The following ROBO1 variants were observed in gnomAD, a reference collection of about 807,000 sequenced individuals.
ROBO1 encodes the protein roundabout guidance receptor 1.
ROBO1 carries 149 observed loss-of-function variants against 195.9 expected under a neutral mutation model. That is an observed-to-expected ratio of 0.76 (90% confidence interval 0.67 to 0.87). The LOEUF (loss-of-function observed/expected upper bound fraction) is 0.87. Among genes scored for constraint, ROBO1 ranks in the 40% least tolerant of loss-of-function variants. The pLI is 0.00. For missense variants in ROBO1, 1,933 were observed against 2,068.3 expected (o/e 0.93, Z 1.27); for synonymous variants, 816 against 733.2 (o/e 1.11, Z -1.82).
intron 4 of ROBO1, among the ~76,000 whole-genome samples, chr3:78,846,976 G>A (rs1024921180): frequency 6.6e-6 from 1 of 152,064 alleles, no homozygotes; most frequent in Non-Finnish European, 1.5e-5. Flanking sequence ...GCTACAGCTG[G>A]CCTGCTCAGA....
At position 79,600,899 on chromosome 3, in the gene ROBO1, C is replaced by T. The variant is rs772664214; in HGVS notation, c.-50-10938G>A. Among the ~76,000 whole-genome samples the T allele has an allele frequency of 4.0e-5, 6 of 151,844 alleles. No individual in the cohort carries two copies. In the East Asian group the frequency reaches 5.8e-4, roughly 15 times the overall value. Reference sequence around the variant, plus strand: ...GCTTACATTTCATTTATTTAATAAACGTTATTTGACAACTTACTATGCACC... The same window carrying T: ...GCTTACATTTCATTTATTTAATAAATGTTATTTGACAACTTACTATGCACC... On this transcript the variant is annotated intron_variant, in intron 1 of 30. Transcript: ENST00000464233.
At chr3:78,782,711 G>A (rs1396874077) in intron 4 of ROBO1, among the ~76,000 whole-genome samples, 2 of 151,932 alleles carry the variant, frequency 1.3e-5, no homozygotes, top group African/African-American at 2.4e-5. Flanking sequence ...ATTTGCAAAC[G>A]ACAAAACAGA....
intron 3 of ROBO1, among the ~76,000 whole-genome samples, chr3:79,086,529 T>G (rs1390139858): frequency 6.6e-6 from 1 of 152,132 alleles, no homozygotes; most frequent in Non-Finnish European, 1.5e-5. Context: ...TATCACATTA[T>G]CTATAAGAAT....
At chr3:79,211,042 A>G (rs1279076487) in intron 2 of ROBO1, among the ~76,000 whole-genome samples, 1 of 152,204 alleles carries the variant, frequency 6.6e-6, no homozygotes, top group African/African-American at 2.4e-5. Context: ...GAAAATCTTT[A>G]TAAGAGAAAA....
intron 2 of ROBO1, among the ~76,000 whole-genome samples, chr3:79,321,034 C>G (rs991126178): frequency 8.5e-5 from 13 of 152,140 alleles, no homozygotes; most frequent in African/African-American, 2.7e-4. Flanking sequence ...TAATATGTAA[C>G]TACCTGTTAA....
intron 2 of ROBO1, among the ~76,000 whole-genome samples, chr3:79,172,068 T>TC (rs2081178270): frequency 6.6e-6 from 1 of 152,096 alleles, no homozygotes; most frequent in Non-Finnish European, 1.5e-5. Flanking sequence ...AAGGGAGACT[T>TC]CAACAATAAC....
intron 3 of ROBO1, among the ~76,000 whole-genome samples, chr3:79,001,249 T>C (rs1395925555): frequency 1.3e-5 from 2 of 152,006 alleles, no homozygotes; most frequent in Non-Finnish European, 2.9e-5. Context: ...GTAACAAACC[T>C]GCATGTTCAG....
intron 2 of ROBO1, among the ~76,000 whole-genome samples, chr3:79,325,694 C>T (rs1445427140): frequency 2.0e-5 from 3 of 152,160 alleles, no homozygotes; most frequent in Admixed American, 6.6e-5. Flanking sequence ...TTCATGGACA[C>T]TTATCACTTC....
chr3:79,044,245 G>A (rs1486509607), intron 3 of ROBO1, among the ~76,000 whole-genome samples: 1 of 152,072 alleles, frequency 6.6e-6, no homozygotes, highest in East Asian at 1.9e-4. Flanking sequence ...CTGTGGGGTG[G>A]ACAAGCTCAG....
chr3:79,463,330 G>A (rs185299806), intron 2 of ROBO1, among the ~76,000 whole-genome samples: 301 of 151,166 alleles, frequency 2.0e-3, no homozygotes, highest in Non-Finnish European at 3.4e-3. Context: ...AGCTGAGGTC[G>A]CGCCACTGCA....
At chr3:79,612,586 A>G (rs1399544687) in intron 1 of ROBO1, among the ~76,000 whole-genome samples, 1 of 149,478 alleles carries the variant, frequency 6.7e-6, no homozygotes, top group Non-Finnish European at 1.5e-5. Flanking sequence ...TCAGTTCTAG[A>G]TCCCTGAGGA....
chr3:79,260,780 A>T (rs1162541534), intron 2 of ROBO1, among the ~76,000 whole-genome samples: 1 of 152,120 alleles, frequency 6.6e-6, no homozygotes, highest in Non-Finnish European at 1.5e-5. Context: ...TGATGGGAGC[A>T]ATCACAATTT....
At position 78,804,726 on chromosome 3, in the gene ROBO1, C is replaced by G. The variant is rs537944443; in HGVS notation, c.500-57826G>C. Among the ~76,000 whole-genome samples the G allele has an allele frequency of 6.9e-3, 348 of 50,670 alleles. 5 individuals are homozygous for G. In the Admixed American group the frequency reaches 0.077, roughly 11 times the overall value. The allele number at this position is 50,670 out of a possible 152,430, so 33.2% of individuals were successfully genotyped here. A position where few individuals can be genotyped will look rare whatever the true frequency, so the allele number is the denominator to read the frequency against. ...TGTTCCTTGAGTCAACTCACTGGAG[C>G]AAAGGCAAAAAAAAAAAAAAAAAAA... On this transcript the variant is annotated intron_variant, in intron 4 of 30. Coordinates refer to ENST00000464233, the MANE Select transcript of ROBO1 (RefSeq NM_002941.4).
chr3:78,906,365 C>A (rs1444174300), intron 4 of ROBO1, among the ~76,000 whole-genome samples: 1 of 152,080 alleles, frequency 6.6e-6, no homozygotes. Context: ...ACCAATGGTG[C>A]CTTACTGTTA....
At chr3:78,949,893 C>T (rs1383808114) in intron 3 of ROBO1, among the ~76,000 whole-genome samples, 1 of 152,100 alleles carries the variant, frequency 6.6e-6, no homozygotes, top group African/African-American at 2.4e-5. Flanking sequence ...TTTATGCAGC[C>T]AAAATCACAT....
At position 78,958,807 on chromosome 3, in the gene ROBO1, C is replaced by T. The variant is rs528750395; in HGVS notation, c.173-19880G>A. ...CCAGGTAAACCAGGATGCTTGGTCA[C>T]CCTTTCTTCTTCTTTTTTTTTTTTT... On this transcript the variant is annotated intron_variant, in intron 3 of 30. Transcript: ENST00000464233. Among the ~76,000 whole-genome samples, 11 of 151,080 alleles carry T rather than the reference C, an allele frequency of 7.3e-5. 1 individual carries two copies. In the South Asian group the frequency reaches 1.7e-3, roughly 23 times the overall value.
chr3:79,534,545 C>T (rs776796674), intron 2 of ROBO1, among the ~76,000 whole-genome samples: 6 of 152,080 alleles, frequency 3.9e-5, no homozygotes, highest in Admixed American at 6.6e-5. Context: ...ATCTCTGTAA[C>T]GCTGTTTTAA....
chr3:79,262,973 C>T (rs1314399736), intron 2 of ROBO1, among the ~76,000 whole-genome samples: 1 of 152,024 alleles, frequency 6.6e-6, no homozygotes, highest in Admixed American at 6.6e-5. Flanking sequence ...TTCACTGTTG[C>T]TAGAAAAGAT....
chr3:79,299,441 T>C (rs997802897), intron 2 of ROBO1, among the ~76,000 whole-genome samples: 4 of 152,154 alleles, frequency 2.6e-5, no homozygotes, highest in African/African-American at 9.7e-5. Context: ...TCCTGACAAA[T>C]GTTGAAGGTG....
Sources: gnomAD v4.1 joint callset for allele counts (sites outside exome capture counted in the v4.1 genomes callset) on GRCh38, gnomAD v4.1.1 for gene constraint, MANE v1.5 for transcripts, NCBI Gene and HGNC (gene_info 2026-07-23, HGNC 2026-07-21) for gene names.